Variants in BRD2 observed in about 807,000 individuals in gnomAD.
BRD2 encodes bromodomain containing 2.
A neutral mutation model predicts 79.1 loss-of-function variants in BRD2; 15 were observed. That is an observed-to-expected ratio of 0.19 (90% confidence interval 0.13 to 0.29). The LOEUF (loss-of-function observed/expected upper bound fraction) is 0.29, where lower values mean the gene tolerates loss of function less well. BRD2 is among the 10% of genes least tolerant of loss of function. The pLI is 1.00. For missense variants in BRD2, 1,053 were observed against 991.3 expected (o/e 1.06, Z -0.84); for synonymous variants, 488 against 358.6 (o/e 1.36, Z -4.08).
In BRD2 at chr6:32,972,565, T is replaced by G. The variant is rs1778155707; in HGVS notation, c.-334T>G. The G allele has an allele frequency of 6.3e-6, 3 of 474,500 alleles. No homozygotes were observed. The highest frequency in any genetic ancestry group is 3.8e-5 in the Admixed American group (1 of 26,434). 29.4% of individuals were successfully genotyped at this position (474,500 alleles called of 1,614,324 possible). A position where few individuals can be genotyped will look rare whatever the true frequency, so the allele number is the denominator to read the frequency against. On this transcript the variant is annotated 5_prime_UTR_variant, in exon 2 of 13. Transcript: ENST00000374825. ...GGGCCCGACAAGAAGAGGGAATCCC[T>G]GCAGACCAACAGCGGGCTATATTGA...
chr6:32,978,037 G>GT, intron 9 of BRD2, 32 bp downstream of exon 9: 1 of 1,604,864 alleles, frequency 6.2e-7, no homozygotes, highest in African/African-American at 1.3e-5. Flanking sequence ...TTTTTATTGG[G>GT]TAAGAGGTTC....
In BRD2 at chr6:32,970,648, GT is replaced by G. The variant is rs1340567477; in HGVS notation, c.-1304-943del. 2.0e-5 allele frequency: 3 copies of G among 152,326 alleles called. No individual in the cohort carries two copies. The East Asian group carries it at 5.8e-4, about 29-fold the overall frequency. The allele number at this position is 152,326 out of a possible 1,614,324, so 9.4% of individuals were successfully genotyped here. ...GAGGGGACGCCCCACCAAAGCCCAG[GT>G]TTTCTCGGGTGGGGGAGATCCTTTC... On this transcript the variant is annotated intron_variant, in intron 1 of 12. Transcript: ENST00000374825.
At chr6:32,973,597 G>C (rs549809464) in intron 2 of BRD2, among the ~76,000 whole-genome samples, 2 of 152,138 alleles carry the variant, frequency 1.3e-5, no homozygotes, top group Non-Finnish European at 2.9e-5. Flanking sequence ...TTCTTAGGTG[G>C]TAGGAAAGAC....
At chr6:32,975,655 A>G (rs1778643196) in intron 4 of BRD2, 134 bp downstream of exon 4, 3 of 1,127,504 alleles carry the variant, frequency 2.7e-6, no homozygotes, top group Admixed American at 2.4e-5. Context: ...TCGGAGTCTT[A>G]AAAACCTGAC....
intron 3 of BRD2, 91 bp downstream of exon 3, chr6:32,974,856 C>T: frequency 6.8e-7 from 1 of 1,479,880 alleles, no homozygotes; most frequent in South Asian, 1.3e-5. Context: ...GCTGCGGCCC[C>T]TAGGGAGTTC....
At chr6:32,977,652 G>A (rs1778940532) in intron 8 of BRD2, 82 bp downstream of exon 8, 3 of 1,602,168 alleles carry the variant, frequency 1.9e-6, no homozygotes, top group Admixed American at 1.7e-5. Context: ...TCAACGTGAG[G>A]GTCTCACTGT....
intron 2 of BRD2, among the ~76,000 whole-genome samples, chr6:32,973,465 T>G (rs1778308542): frequency 6.6e-6 from 1 of 152,076 alleles, no homozygotes; most frequent in African/African-American, 2.4e-5. Flanking sequence ...TGTGTGGTGT[T>G]TGTTGGTGCA....
chr6:32,977,798 A>G lies in BRD2; in HGVS notation c.1371A>G (p.Pro457=). ...EFRYAKMPDE[P]LEPGPLPVST... is the part of the protein sequence containing the mutation. ...GTTATGCCAAGATGCCAGATGAACCACTAGAACCAGGGCCTTTACCAGTCT... is the reference window on the plus strand; with the variant it reads ...GTTATGCCAAGATGCCAGATGAACCGCTAGAACCAGGGCCTTTACCAGTCT... The change falls in exon 9 of 13, where the codon CCA becomes CCG. Residue 457 remains proline (P), a synonymous_variant. Transcript: ENST00000374825. 1 of 1,613,104 alleles carries G rather than the reference A, an allele frequency of 6.2e-7. No individual in the cohort carries two copies. The highest frequency in any genetic ancestry group is 8.5e-7 in the Non-Finnish European group (1 of 1,180,038).
intron 1 of BRD2, 34 bp from the exon 2 acceptor site, chr6:32,971,561 G>A (rs1777979198): frequency 2.2e-6 from 1 of 455,244 alleles, no homozygotes; most frequent in Admixed American, 4.2e-5. Context: ...AGCAGGCCGC[G>A]GCTTCTAAGA....
rs1241242935 is a variant in BRD2 at position 32,972,374 on chromosome 6, C to T, written c.-525C>T. 7 of 304,484 alleles carry T rather than the reference C, an allele frequency of 2.3e-5. No homozygotes were observed. The highest frequency in any genetic ancestry group is 4.4e-5 in the Non-Finnish European group (7 of 158,784). The allele number at this position is 304,484 out of a possible 1,614,324, so 18.9% of individuals were successfully genotyped here. On this transcript the variant is annotated 5_prime_UTR_variant, in exon 2 of 13. Transcript: ENST00000374825. Reference sequence around the variant, plus strand: ...GGGCAGTACAGACCCCCTAGAAGCCCCTGGAGCTCCCCTTTTTCGGGCCCC... The same window carrying T: ...GGGCAGTACAGACCCCCTAGAAGCCTCTGGAGCTCCCCTTTTTCGGGCCCC...
intron 1 of BRD2, among the ~76,000 whole-genome samples, chr6:32,970,013 G>C (rs1777801996): frequency 6.6e-6 from 1 of 152,204 alleles, no homozygotes; most frequent in African/African-American, 2.4e-5. Context: ...GGGGAAGGGA[G>C]GATAGAGGAT....
chr6:32,974,522 G>A lies in BRD2; in HGVS notation c.90G>A (p.Gly30=), dbSNP rs750228772. Residue 30 remains glycine (G), a synonymous_variant, in exon 3 of 13, where the codon GGG becomes GGA. Transcript: ENST00000374825. ...LGLGPEAAAP[G]KRIRKPSLLY... is the part of the protein sequence containing the mutation. ...TGGGCCCAGAAGCAGCAGCACCAGG[G>A]AAGAGGATTCGAAAACCCTCTCTCT... The A allele has an allele frequency of 2.5e-6, 4 of 1,614,166 alleles. No individual in the cohort carries two copies. Among genetic ancestry groups the A allele is most frequent in the African/African-American group, 1.3e-5 (1 of 75,034 alleles).
In BRD2 at chr6:32,976,414, C is replaced by T. The variant is rs1360246088; in HGVS notation, c.775C>T (p.Pro259Ser). ...TCTCAAGTCCTTGCACTCTGCTGGA[C>T]CCCCGCTCCTTGCTGTTACTGCAGC... is the stretch of plus-strand genomic sequence containing the variant. ...PLLKSLHSAGPPLLAVTAAPP... is the reference protein window; with the variant it reads ...PLLKSLHSAGSPLLAVTAAPP... Residue 259 changes from proline to serine, a missense_variant, in exon 6 of 13, where the codon CCC becomes TCC. Transcript: ENST00000374825. 6.8e-6 allele frequency: 11 copies of T among 1,612,364 alleles called. No homozygotes were observed. The highest frequency in any genetic ancestry group is 7.6e-6 in the Non-Finnish European group (9 of 1,180,034).
In BRD2 at chr6:32,970,315, G is replaced by T. The variant is rs139603949; in HGVS notation, c.-1305+1259G>T. 7.2e-3 allele frequency: 1,092 copies of T among 152,466 alleles called. 5 individuals are homozygous for T. Among genetic ancestry groups the T allele is most frequent in the Middle Eastern group, 0.024 (7 of 294 alleles). 9.4% of individuals were successfully genotyped at this position (152,466 alleles called of 1,614,324 possible). ...TTTGGGGGCCAGGGCCTGATCCCTGGCTGGGGGAAGGGGACTCTGCTCTCC... is the reference window on the plus strand; with the variant it reads ...TTTGGGGGCCAGGGCCTGATCCCTGTCTGGGGGAAGGGGACTCTGCTCTCC... On this transcript the variant is annotated intron_variant, in intron 1 of 12. Coordinates refer to ENST00000374825, the MANE Select transcript of BRD2 (RefSeq NM_005104.4).
In BRD2 at chr6:32,978,187, G is replaced by GGAAAAGAGA; in HGVS notation, c.1646_1654dup (p.Arg549_Lys551dup). The GGAAAAGAGA allele has an allele frequency of 6.2e-7, 1 of 1,612,966 alleles. No individual in the cohort carries two copies. Among genetic ancestry groups the GGAAAAGAGA allele is most frequent in the Non-Finnish European group, 8.5e-7 (1 of 1,180,020 alleles). ...CAGGGTCCAATATCCAAGCCCAAGAGGAAAAGAGAGAAAAAAGAGAAAAAG... is the reference window on the plus strand; with the variant it reads ...CAGGGTCCAATATCCAAGCCCAAGAGGAAAAGAGAGAAAAGAGAGAAAAAAGAGAAAAAG... On this transcript the variant is annotated inframe_insertion, in exon 10 of 13. Transcript: ENST00000374825.
In BRD2 at chr6:32,972,090, G is replaced by A. The variant is rs1290872173; in HGVS notation, c.-809G>A. 2 of 693,772 alleles carry A rather than the reference G, an allele frequency of 2.9e-6. No homozygotes were observed. The highest frequency in any genetic ancestry group is 5.3e-6 in the Non-Finnish European group (2 of 380,446). 43.0% of individuals were successfully genotyped at this position (693,772 alleles called of 1,614,324 possible). A position where few individuals can be genotyped will look rare whatever the true frequency, so the allele number is the denominator to read the frequency against. ...AGCTTCTTCACCCGCGTGAGCGAGC[G>A]CGCGCGCGCGGAGGGGGTGGGGAAA... On this transcript the variant is annotated 5_prime_UTR_variant, in exon 2 of 13. Transcript: ENST00000374825.
At chr6:32,978,537 C>A (rs1779083126) in intron 10 of BRD2, 149 bp downstream of exon 10, 9 of 1,350,696 alleles carry the variant, frequency 6.7e-6, no homozygotes, top group Admixed American at 5.0e-5. Flanking sequence ...GCACCAGGGA[C>A]CAGTTTCGTG....
chr6:32,972,663 C>T lies in BRD2; in HGVS notation c.-236C>T, dbSNP rs912670348. On this transcript the variant is annotated 5_prime_UTR_variant, in exon 2 of 13. Coordinates refer to ENST00000374825, the MANE Select transcript of BRD2 (RefSeq NM_005104.4). ...CTTAGTTGCCCGCCTCAGCTGAGGCCGCCGCCATTTTCTTGCTGTCCGCCG... is the reference window on the plus strand; with the variant it reads ...CTTAGTTGCCCGCCTCAGCTGAGGCTGCCGCCATTTTCTTGCTGTCCGCCG... 1.1e-5 allele frequency: 7 copies of T among 617,294 alleles called. No individual in the cohort carries two copies. Among genetic ancestry groups the T allele is most frequent in the African/African-American group, 5.5e-5 (3 of 54,056 alleles). 38.2% of individuals were successfully genotyped at this position (617,294 alleles called of 1,614,324 possible). A position where few individuals can be genotyped will look rare whatever the true frequency, so the allele number is the denominator to read the frequency against.
At position 32,978,022 on chromosome 6, in the gene BRD2, G is replaced by T. The variant is rs540735041; in HGVS notation, c.1578+17G>T. On this transcript the variant is annotated intron_variant, in intron 9 of 12. Transcript: ENST00000374825. ...CAGGAACAGGTATTTTGTCACTCTTGAAAGTTTTTATTGGGTAAGAGGTTC... is the reference window on the plus strand; with the variant it reads ...CAGGAACAGGTATTTTGTCACTCTTTAAAGTTTTTATTGGGTAAGAGGTTC... 2 of 1,607,186 alleles carry T rather than the reference G, an allele frequency of 1.2e-6. No homozygotes were observed. Among genetic ancestry groups the T allele is most frequent in the Admixed American group, 3.3e-5 (2 of 59,738 alleles).
Sources: allele counts gnomAD v4.1 joint callset (sites outside exome capture counted in the v4.1 genomes callset), GRCh38; gene constraint gnomAD v4.1.1; transcripts MANE v1.5; gene names NCBI Gene and HGNC (gene_info 2026-07-23, HGNC 2026-07-21).